Variants in EVL observed in about 807,000 individuals in gnomAD.
EVL encodes Enah/Vasp-like, also known as ena/VASP-like protein.
Under a neutral mutation model 59.6 loss-of-function variants are expected in EVL, and 21 were observed. That is an observed-to-expected ratio of 0.35 (90% CI 0.25 to 0.51). EVL has a LOEUF of 0.51. Ranked by LOEUF, EVL falls within the 20% of genes least tolerant of loss-of-function variation. The pLI, the probability that EVL is intolerant of heterozygous loss-of-function variation, is 0.97. For synonymous variants in EVL, 198 were observed against 203.5 expected (o/e 0.97, Z 0.23); for missense variants, 462 against 546.6 (o/e 0.85, Z 1.54).
chr14:100,094,356 C>A (rs370933411), intron 2 of EVL, among the ~76,000 whole-genome samples: 62 of 152,242 alleles, frequency 4.1e-4, no homozygotes, highest in African/African-American at 1.4e-3. Flanking sequence ...TCATTTCCCC[C>A]CCAAGAGCCA....
intron 1 of EVL, among the ~76,000 whole-genome samples, chr14:100,058,664 T>C (rs75715658): frequency 1.6e-4 from 24 of 152,142 alleles, no homozygotes; most frequent in Non-Finnish European, 3.4e-4. Context: ...ATTTTTTTTT[T>C]CATCGGACCT....
chr14:99,983,008 T>C (rs1042908169), intron 1 of EVL, among the ~76,000 whole-genome samples: 1 of 152,224 alleles, frequency 6.6e-6, no homozygotes, highest in African/African-American at 2.4e-5. Flanking sequence ...TCTCAGCTTA[T>C]GATATTCAGT....
chr14:100,092,283 T>A (rs1287092081), intron 2 of EVL, among the ~76,000 whole-genome samples: 1 of 152,190 alleles, frequency 6.6e-6, no homozygotes, highest in Non-Finnish European at 1.5e-5. Context: ...ACTTTAGTTT[T>A]TCTTATATCC....
intron 1 of EVL, among the ~76,000 whole-genome samples, chr14:100,020,188 G>A (rs749933840): frequency 1.4e-4 from 22 of 152,050 alleles, no homozygotes; most frequent in Non-Finnish European, 2.4e-4. Context: ...TCTCATCGCC[G>A]GTCTGTTTTC....
At chr14:100,005,701 C>T (rs1388401240) in intron 1 of EVL, among the ~76,000 whole-genome samples, 3 of 151,694 alleles carry the variant, frequency 2.0e-5, no homozygotes, top group Admixed American at 6.6e-5. Flanking sequence ...ATTAAACTGA[C>T]TTTTAACCAT....
intron 9 of EVL, chr14:100,137,181 C>T: frequency 4.0e-6 from 1 of 251,986 alleles, no homozygotes; most frequent in East Asian, 8.4e-5. Flanking sequence ...GCATGGGAGG[C>T]AGACTAAGGA....
chr14:100,033,440 C>G (rs117772238), intron 1 of EVL, among the ~76,000 whole-genome samples: 2,690 of 152,314 alleles, frequency 0.018, 35 homozygotes, highest in Non-Finnish European at 0.026. Flanking sequence ...GAGGTTAAAT[C>G]ACCTCCTCAA....
At chr14:100,138,485 C>T (rs3783338) in intron 11 of EVL, 32,961 of 152,676 alleles carry the variant, frequency 0.22, 4,234 homozygotes, top group East Asian at 0.55. Context: ...CTAGAACCTG[C>T]GTCAAGAATG....
At chr14:100,045,077 G>A (rs1003691550) in intron 1 of EVL, among the ~76,000 whole-genome samples, 6 of 152,236 alleles carry the variant, frequency 3.9e-5, no homozygotes, top group Admixed American at 3.9e-4. Flanking sequence ...TGGTAAGCCT[G>A]ATGATGTAGT....
chr14:99,976,009 A>T (rs2060767816), intron 1 of EVL, among the ~76,000 whole-genome samples: 1 of 151,962 alleles, frequency 6.6e-6, no homozygotes, highest in East Asian at 1.9e-4. Flanking sequence ...CAGGGTTTTT[A>T]AAAATTATTT....
At chr14:100,110,305 C>T (rs898408602) in intron 3 of EVL, among the ~76,000 whole-genome samples, 2 of 151,878 alleles carry the variant, frequency 1.3e-5, no homozygotes, top group Admixed American at 1.3e-4. Flanking sequence ...GCCCTGGAGT[C>T]TGAGGCTGCA....
intron 1 of EVL, among the ~76,000 whole-genome samples, chr14:100,067,026 T>C (rs1178614660): frequency 1.3e-5 from 2 of 152,190 alleles, no homozygotes; most frequent in Non-Finnish European, 2.9e-5. Context: ...GATCAGGAAA[T>C]TGAGGCCCAG....
intron 1 of EVL, among the ~76,000 whole-genome samples, chr14:99,987,357 A>G (rs2060846012): frequency 6.6e-6 from 1 of 152,192 alleles, no homozygotes; most frequent in Admixed American, 6.6e-5. Flanking sequence ...AAAAGAGGTT[A>G]GAGGCCGGGC....
At chr14:100,080,741 CA>C (rs2062281413) in intron 1 of EVL, among the ~76,000 whole-genome samples, 1 of 152,126 alleles carries the variant, frequency 6.6e-6, no homozygotes, top group African/African-American at 2.4e-5. Flanking sequence ...TGTTAGATCC[CA>C]GGGGGGAAAG....
intron 1 of EVL, among the ~76,000 whole-genome samples, chr14:100,023,595 G>A (rs887364274): frequency 5.3e-5 from 8 of 151,624 alleles, no homozygotes; most frequent in African/African-American, 1.9e-4. Flanking sequence ...CCAAAGTGCT[G>A]GGATTACAGA....
intron 1 of EVL, among the ~76,000 whole-genome samples, chr14:100,083,394 C>G (rs1424551949): frequency 6.6e-6 from 1 of 151,722 alleles, no homozygotes; most frequent in Non-Finnish European, 1.5e-5. Flanking sequence ...TGGAGACAGT[C>G]TTACACTGTC....
At chr14:100,012,989 A>G (rs1437268379) in intron 1 of EVL, among the ~76,000 whole-genome samples, 1 of 152,186 alleles carries the variant, frequency 6.6e-6, no homozygotes, top group Non-Finnish European at 1.5e-5. Flanking sequence ...TTGAAGCTGT[A>G]TTTGCATACC....
chr14:100,079,212 C>T (rs1447897390), intron 1 of EVL, among the ~76,000 whole-genome samples: 2 of 152,236 alleles, frequency 1.3e-5, no homozygotes, highest in Non-Finnish European at 2.9e-5. Context: ...TCGCCCATCC[C>T]AGGCTGTTGT....
intron 1 of EVL, among the ~76,000 whole-genome samples, chr14:99,993,754 G>A (rs1001150636): frequency 4.9e-5 from 7 of 142,156 alleles, no homozygotes; most frequent in East Asian, 2.2e-4. Context: ...GTGCAATGGC[G>A]CAGTCTTCCC....
Sources: allele counts gnomAD v4.1 joint callset (sites outside exome capture counted in the v4.1 genomes callset), GRCh38; gene constraint gnomAD v4.1.1; transcripts MANE v1.5; gene names NCBI Gene and HGNC (gene_info 2026-07-23, HGNC 2026-07-21).